HABP2: variants seen among roughly 807,000 people sequenced by gnomAD.
HABP2 encodes the protein hyaluronan binding protein 2, also known as factor VII-activating protease.
A neutral mutation model predicts 66.5 loss-of-function variants in HABP2; 65 were observed. The observed-to-expected ratio is 0.98, with a 90% CI of 0.80 to 1.20. HABP2 has a LOEUF of 1.20. HABP2 is among the 50% of genes most tolerant of loss of function. The pLI is 0.00. For synonymous variants in HABP2, 263 were observed against 253.9 expected, an observed-to-expected ratio of 1.04 and a Z score of -0.34; for missense variants, 786 against 691.0, an observed-to-expected ratio of 1.14 and a Z score of -1.54.
intron 12 of HABP2, among the ~76,000 whole-genome samples, chr10:113,587,679 C>G (rs1278433309): frequency 6.6e-6 from 1 of 152,114 alleles, no homozygotes; most frequent in Non-Finnish European, 1.5e-5. Flanking sequence ...TAATATGAAC[C>G]AGGCACTGTT....
intron 11 of HABP2, among the ~76,000 whole-genome samples, 170 bp downstream of exon 11, chr10:113,584,452 C>T (rs1303847890): frequency 6.6e-6 from 1 of 152,200 alleles, no homozygotes; most frequent in African/African-American, 2.4e-5. Context: ...CCTCCACCTG[C>T]AGGGAGCCTT....
At chr10:113,585,740 G>C (rs1312111460) in intron 11 of HABP2, 53 bp from the exon 12 acceptor site, 2 of 1,460,216 alleles carry the variant, frequency 1.4e-6, no homozygotes, top group Non-Finnish European at 1.9e-6. Context: ...GGTGGGGTTG[G>C]TGCCACCCTG....
At chr10:113,582,629 A>G (rs1441544539) in intron 9 of HABP2, among the ~76,000 whole-genome samples, 2 of 152,162 alleles carry the variant, frequency 1.3e-5, no homozygotes, top group African/African-American at 4.8e-5. Flanking sequence ...CCTGCCCTGA[A>G]TAGAGGAAAG....
intron 6 of HABP2, 104 bp downstream of exon 6, chr10:113,578,249 C>G: frequency 1.6e-6 from 2 of 1,240,474 alleles, no homozygotes; most frequent in South Asian, 2.6e-5. Context: ...TTCCCAAACT[C>G]GACTATTGCC....
chr10:113,570,311 C>G (rs919984630), intron 2 of HABP2, among the ~76,000 whole-genome samples: 1 of 152,204 alleles, frequency 6.6e-6, no homozygotes, highest in Non-Finnish European at 1.5e-5. Flanking sequence ...ATAGAAAATA[C>G]TCAACACATT....
chr10:113,556,399 G>C (rs1370069026), intron 1 of HABP2, among the ~76,000 whole-genome samples: 1 of 152,144 alleles, frequency 6.6e-6, no homozygotes, highest in African/African-American at 2.4e-5. Context: ...ATGGAGAGGG[G>C]TAGCCACCGC....
intron 12 of HABP2, 76 bp from the exon 13 acceptor site, chr10:113,588,129 C>T: frequency 1.6e-6 from 2 of 1,260,552 alleles, no homozygotes; most frequent in South Asian, 3.2e-5. Context: ...CTCCCTGACA[C>T]CCCCTGGAGA....
At chr10:113,578,288 G>C (rs11575756) in intron 6 of HABP2, 143 bp downstream of exon 6, 7 of 903,980 alleles carry the variant, frequency 7.7e-6, no homozygotes, top group Non-Finnish European at 1.2e-5. Context: ...GGGATAGGGC[G>C]TGTCTGGCTT....
chr10:113,555,577 G>A (rs1844976813), intron 1 of HABP2, among the ~76,000 whole-genome samples: 1 of 152,144 alleles, frequency 6.6e-6, no homozygotes, highest in East Asian at 1.9e-4. Context: ...TGTTCTTTGG[G>A]ATCATCTGTC....
At position 113,585,715 on chromosome 10, in the gene HABP2, G is replaced by A. The variant is rs946880028; in HGVS notation, c.1373-78G>A. The A allele has an allele frequency of 9.1e-6, 10 of 1,100,592 alleles. No individual in the cohort carries two copies. The Admixed American group carries it at 1.7e-4, about 19-fold the overall frequency. The allele number at this position is 1,100,592 out of a possible 1,614,324, so 68.2% of individuals were successfully genotyped here. A position where few individuals can be genotyped will look rare whatever the true frequency, so the allele number is the denominator to read the frequency against. On this transcript the variant is annotated intron_variant, in intron 11 of 12. Coordinates refer to ENST00000351270, the MANE Select transcript of HABP2 (RefSeq NM_004132.5). ...GCTAAGAGTTGGTGGGCTTCTCCCT[G>A]ACAATCTGGTTTCTGGTGGGGTTGG...
At chr10:113,578,578 G>A (rs1845457604) in intron 6 of HABP2, 49 bp from the exon 7 acceptor site, 12 of 1,383,088 alleles carry the variant, frequency 8.7e-6, no homozygotes, top group East Asian at 2.3e-5. Flanking sequence ...TTTTGGGAGT[G>A]GCATGCCAAT....
chr10:113,564,033 C>G (rs1247740979), intron 1 of HABP2, among the ~76,000 whole-genome samples: 2 of 152,072 alleles, frequency 1.3e-5, no homozygotes, highest in African/African-American at 4.8e-5. Flanking sequence ...AAGACATACC[C>G]AAGACTGGGT....
Position 113,575,994 on chromosome 10 carries a change from G to C in HABP2, c.321G>C (p.Lys107Asn). The change falls in exon 4 of 13, where the codon AAG (lysine) becomes AAC (asparagine). Residue 107 changes from lysine to asparagine, a missense_variant. By Grantham distance (94) the Lys-to-Asn change is moderately conservative. Transcript: ENST00000351270. Reference sequence around the variant, plus strand: ...GCCTGGCTCCTTTCTCTGGGAATAAGTGTCAGAAAGGTGAGTCCGTCATCA... The same window carrying C: ...GCCTGGCTCCTTTCTCTGGGAATAACTGTCAGAAAGGTGAGTCCGTCATCA... Reference protein sequence around the residue: ...CSCLAPFSGNKCQKVQNTCKD... With the variant: ...CSCLAPFSGNNCQKVQNTCKD... The C allele has an allele frequency of 6.3e-7, 1 of 1,575,990 alleles. No homozygotes were observed. The highest frequency in any genetic ancestry group is 1.1e-5 in the South Asian group (1 of 90,330).
At chr10:113,562,552 C>T (rs1382209204) in intron 1 of HABP2, among the ~76,000 whole-genome samples, 8 of 148,868 alleles carry the variant, frequency 5.4e-5, no homozygotes, top group Admixed American at 4.8e-4. Context: ...TCAAGCGATT[C>T]TTGTGCCTCA....
chr10:113,580,575 T>C lies in HABP2; in HGVS notation c.741-20T>C. ...TGTTCATCAAGCCTTGACTCTGAGTTGTTTTGTTTTGTATTTTAGAAACCC... is the reference window on the plus strand; with the variant it reads ...TGTTCATCAAGCCTTGACTCTGAGTCGTTTTGTTTTGTATTTTAGAAACCC... On this transcript the variant is annotated intron_variant, in intron 7 of 12. Transcript: ENST00000351270. 7.9e-7 allele frequency: 1 copy of C among 1,267,922 alleles called. No individual in the cohort carries two copies. The highest frequency in any genetic ancestry group is 1.2e-6 in the Non-Finnish European group (1 of 863,716). The allele number at this position is 1,267,922 out of a possible 1,614,324, so 78.5% of individuals were successfully genotyped here.
intron 1 of HABP2, among the ~76,000 whole-genome samples, chr10:113,553,569 C>T (rs1258513223): frequency 1.3e-5 from 2 of 152,250 alleles, no homozygotes; most frequent in African/African-American, 4.8e-5. Flanking sequence ...GGTGCTGACA[C>T]ACACAGTTTT....
At chr10:113,563,163 C>T (rs3862016) in intron 1 of HABP2, among the ~76,000 whole-genome samples, 90,867 of 152,056 alleles carry the variant, frequency 0.6, 28,345 homozygotes, top group African/African-American at 0.75. Context: ...AGTTTTCTCC[C>T]TAGTTATCTC....
rs776456898 is a variant in HABP2, at chr10:113,578,704, C to A, written c.646C>A (p.Leu216Ile). The change falls in exon 7 of 13, where the codon CTT (leucine) becomes ATT (isoleucine). Residue 216 changes from leucine (L) to isoleucine (I), a missense_variant. By Grantham distance (5) the Leu-to-Ile change is conservative. Coordinates refer to ENST00000351270, the MANE Select transcript of HABP2 (RefSeq NM_004132.5). ...TAGGACAGTCAACCAGCATGCGTGC[C>A]TTTACTGGAACTCCCACCTCCTCTT... ...MNRTVNQHACLYWNSHLLLQE... is the reference protein window; with the variant it reads ...MNRTVNQHACIYWNSHLLLQE... 1.2e-6 allele frequency: 2 copies of A among 1,606,800 alleles called. No homozygotes were observed. The highest frequency in any genetic ancestry group is 1.7e-6 in the Non-Finnish European group (2 of 1,173,356).
rs1323727145 is a variant in HABP2, at chr10:113,582,748, G to A, written c.1095-468G>A. Among the ~76,000 whole-genome samples the A allele has an allele frequency of 6.6e-5, 10 of 152,320 alleles. No individual in the cohort carries two copies. In the East Asian group the frequency reaches 1.9e-3, roughly 29 times the overall value. ...CAAGTAACTTCTGGGGAGCTGAAGAGTCACCCCCTCTTCTGAGCTCCCTGT... is the reference window on the plus strand; with the variant it reads ...CAAGTAACTTCTGGGGAGCTGAAGAATCACCCCCTCTTCTGAGCTCCCTGT... On this transcript the variant is annotated intron_variant, in intron 9 of 12. Transcript: ENST00000351270.
Sources: allele counts gnomAD v4.1 joint callset (sites outside exome capture counted in the v4.1 genomes callset), GRCh38; gene constraint gnomAD v4.1.1; transcripts MANE v1.5; gene names NCBI Gene and HGNC (gene_info 2026-07-23, HGNC 2026-07-21).